CHD7: variants seen among roughly 807,000 people sequenced by gnomAD.
The protein encoded by CHD7 is ATP-dependent chromatin remodeler CHD7.
In CHD7, 24 loss-of-function variants were observed where a neutral mutation model predicts 307.3. The observed-to-expected ratio is 0.08, with a 90% CI of 0.06 to 0.11. The LOEUF is 0.11. CHD7 is among the 10% of genes least tolerant of loss of function. CHD7 has a pLI of 1.00. For missense variants in CHD7, 3,106 were observed against 3,727.1 expected (o/e 0.83, Z 4.34); for synonymous variants, 1,363 against 1,349.9 (o/e 1.01, Z -0.21).
At chr8:60,764,582 A>G (rs1292318386) in intron 2 of CHD7, among the ~76,000 whole-genome samples, 1 of 152,210 alleles carries the variant, frequency 6.6e-6, no homozygotes, top group East Asian at 1.9e-4. Flanking sequence ...CTTATTTAGA[A>G]TATTCAAAGA....
At chr8:60,764,174 A>G (rs1410866241) in intron 2 of CHD7, among the ~76,000 whole-genome samples, 1 of 152,046 alleles carries the variant, frequency 6.6e-6, no homozygotes, top group African/African-American at 2.4e-5. Flanking sequence ...TATTTTTAGT[A>G]GAGACGGGGT....
At chr8:60,679,486 A>C (rs1586148697) in intron 1 of CHD7, 1 of 130,074 alleles carries the variant, frequency 7.7e-6, no homozygotes. Context: ...CGCGCGGGGG[A>C]GCGCGAGCGC....
intron 1 of CHD7, among the ~76,000 whole-genome samples, chr8:60,702,597 C>A (rs1361934358): frequency 6.6e-6 from 1 of 152,232 alleles, no homozygotes; most frequent in Non-Finnish European, 1.5e-5. Context: ...AACGAAATCT[C>A]TTACACCAGT....
intron 1 of CHD7, among the ~76,000 whole-genome samples, chr8:60,710,190 G>A (rs1412100021): frequency 6.6e-6 from 1 of 151,272 alleles, no homozygotes; most frequent in African/African-American, 2.4e-5. Context: ...CAAAATACAC[G>A]CTCTTAGTTG....
intron 13 of CHD7, among the ~76,000 whole-genome samples, chr8:60,827,406 A>T (rs1021803476): frequency 6.6e-6 from 1 of 152,224 alleles, no homozygotes; most frequent in Non-Finnish European, 1.5e-5. Flanking sequence ...GAGACACGAT[A>T]TCAATACAGC....
Position 60,696,376 on chromosome 8 carries a change from T to C in CHD7, c.-175+17294T>C, listed in dbSNP as rs77484641. Among the ~76,000 whole-genome samples, 466 of 152,368 alleles carry C rather than the reference T, an allele frequency of 3.1e-3. 4 individuals are homozygous for C. Among genetic ancestry groups the C allele is most frequent in the African/African-American group, 0.011 (440 of 41,592 alleles). On this transcript the variant is annotated intron_variant, in intron 1 of 37. Transcript: ENST00000423902. ...ATGTGGTTTGAATCTGCCTGACCGC[T>C]TAACTGTGTGACCTTGGATAGTGAC...
At chr8:60,836,023 G>T (rs914404763) in intron 15 of CHD7, 50 bp from the exon 16 acceptor site, 4 of 1,367,790 alleles carry the variant, frequency 2.9e-6, no homozygotes, top group Non-Finnish European at 4.1e-6. Context: ...ATTGTTTTTA[G>T]TAATAAAAAC....
chr8:60,779,171 TA>T (rs1811087225), intron 2 of CHD7, among the ~76,000 whole-genome samples: 1 of 152,350 alleles, frequency 6.6e-6, no homozygotes, highest in South Asian at 2.1e-4. Context: ...ATCAATCACC[TA>T]ACCCAAAACC....
chr8:60,806,052 A>G (rs114726351), intron 6 of CHD7, among the ~76,000 whole-genome samples: 1,616 of 152,118 alleles, frequency 0.011, 30 homozygotes, highest in African/African-American at 0.036. Context: ...GTCTGGTTCT[A>G]TATAAAGATA....
chr8:60,862,137 A>G, intron 35 of CHD7, 59 bp from the exon 36 acceptor site: 3 of 1,377,610 alleles, frequency 2.2e-6, no homozygotes, highest in Non-Finnish European at 3.0e-6. Flanking sequence ...TTTGGCATTT[A>G]TATAGAGAAG....
At chr8:60,744,848 C>T (rs566920226) in intron 2 of CHD7, among the ~76,000 whole-genome samples, 1 of 115,344 alleles carries the variant, frequency 8.7e-6, no homozygotes, top group South Asian at 3.4e-4. Context: ...GAGCGAGACT[C>T]CATCTAAAAA....
intron 4 of CHD7, among the ~76,000 whole-genome samples, chr8:60,795,825 T>G (rs1397227749): frequency 1.3e-5 from 2 of 152,146 alleles, no homozygotes; most frequent in Non-Finnish European, 2.9e-5. Flanking sequence ...CCTTGTTAGG[T>G]TCCCTGGAAG....
intron 2 of CHD7, among the ~76,000 whole-genome samples, chr8:60,747,161 CCTT>C (rs1370848661): frequency 2.6e-5 from 4 of 152,192 alleles, no homozygotes; most frequent in Non-Finnish European, 4.4e-5. Flanking sequence ...ACTGCAACCT[CCTT>C]CTCCCAGGTT....
In CHD7 at chr8:60,741,498, A is replaced by G; in HGVS notation, c.66A>G (p.Glu22=). 1.2e-6 allele frequency: 2 copies of G among 1,612,648 alleles called. No individual in the cohort carries two copies. The highest frequency in any genetic ancestry group is 1.7e-6 in the Non-Finnish European group (2 of 1,179,274). Residue 22 remains glutamate (E), a synonymous_variant, in exon 2 of 38, where the codon GAA becomes GAG. Transcript: ENST00000423902. ...EDGNIFSEGL[E]GLGECGYPEN... The stretch of plus-strand genomic sequence containing the variant: ...GGAATATTTTCAGTGAAGGTCTTGA[A>G]GGCCTCGGAGAATGTGGTTACCCGG...
intron 3 of CHD7, among the ~76,000 whole-genome samples, chr8:60,794,302 C>T (rs1275880656): frequency 6.6e-6 from 1 of 152,092 alleles, no homozygotes; most frequent in Non-Finnish European, 1.5e-5. Flanking sequence ...CAGCAACATA[C>T]TATGAAACAT....
intron 26 of CHD7, 136 bp downstream of exon 26, chr8:60,850,758 A>G: frequency 1.1e-6 from 1 of 885,070 alleles, no homozygotes; most frequent in Non-Finnish European, 1.8e-6. Context: ...AGTCTACTCT[A>G]TTTGTATGTC....
intron 2 of CHD7, among the ~76,000 whole-genome samples, chr8:60,780,123 G>A (rs968496616): frequency 2.0e-5 from 3 of 152,182 alleles, no homozygotes; most frequent in Non-Finnish European, 4.4e-5. Flanking sequence ...AATCCAGGCA[G>A]CCCTGCTCTG....
chr8:60,730,717 G>A (rs1282770098), intron 1 of CHD7, among the ~76,000 whole-genome samples: 8 of 152,118 alleles, frequency 5.3e-5, no homozygotes, highest in East Asian at 1.9e-4. Flanking sequence ...AAAATTAGCC[G>A]GTCATAGTGG....
rs778930641 is a variant in CHD7 at position 60,830,597 on chromosome 8, G to A, written c.3778+20G>A. 39 of 1,607,208 alleles carry A rather than the reference G, an allele frequency of 2.4e-5. No individual in the cohort carries two copies. The highest frequency in any genetic ancestry group is 2.9e-5 in the Non-Finnish European group (34 of 1,175,140). On this transcript the variant is annotated intron_variant, in intron 15 of 37. Transcript: ENST00000423902. ...TCAATGGTAAGGCTGCCCTGCTCGC[G>A]AACTTGCTTAAGTGACGATTGAAGC...
Sources: gnomAD v4.1 joint callset for allele counts (sites outside exome capture counted in the v4.1 genomes callset) on GRCh38, gnomAD v4.1.1 for gene constraint, MANE v1.5 for transcripts, NCBI Gene and HGNC (gene_info 2026-07-23, HGNC 2026-07-21) for gene names.